The following RNPEPL1 variants were observed in gnomAD, a reference collection of about 807,000 sequenced individuals.
RNPEPL1 encodes the protein aminopeptidase RNPEPL1.
Under a neutral mutation model 69.0 loss-of-function variants are expected in RNPEPL1, and 46 were observed. The ratio of observed to expected loss-of-function variants is 0.67; its 90% CI spans 0.53 to 0.85. RNPEPL1 has a LOEUF of 0.85. Ranked by LOEUF, RNPEPL1 falls within the 40% of genes least tolerant of loss-of-function variation. RNPEPL1 has a pLI of 0.00. For missense variants in RNPEPL1, 869 were observed against 992.5 expected (o/e 0.88, Z 1.67); for synonymous variants, 525 against 454.1 (o/e 1.16, Z -1.98).
In RNPEPL1 at chr2:240,574,110, C is replaced by T; in HGVS notation, c.939-3C>T. 6.2e-7 allele frequency: 1 copy of T among 1,611,722 alleles called. No individual in the cohort carries two copies. ...TGCCACCCTCACCGCCCTCCCGGTG[C>T]AGGTACGACATTGTCTTCCTGCCAC... On this transcript the variant is annotated splice_polypyrimidine_tract_variant and splice_region_variant and intron_variant, in intron 4 of 10. Transcript: ENST00000270357.
chr2:240,574,725 C>T (rs145569445), intron 6 of RNPEPL1, 97 bp downstream of exon 6: 31 of 1,109,814 alleles, frequency 2.8e-5, no homozygotes, highest in Non-Finnish European at 4.0e-5. Context: ...GCTTCTCTGT[C>T]CTGCACTGTG....
intron 6 of RNPEPL1, 27 bp downstream of exon 6, chr2:240,574,655 A>G: frequency 6.4e-7 from 1 of 1,567,314 alleles, no homozygotes; most frequent in Admixed American, 1.7e-5. Flanking sequence ...ACCCGCTCCC[A>G]CAACTGGGGA....
chr2:240,572,439 C>T lies in RNPEPL1; in HGVS notation c.545C>T (p.Pro182Leu), dbSNP rs1235256934. ...TDAPAIWWLD[P>L]ELTYGCAKPF... ...TGCCCACAGATCTGGTGGCTGGACCCAGAGCTGACCTATGGCTGCGCCAAG... is the reference window on the plus strand; with the variant it reads ...TGCCCACAGATCTGGTGGCTGGACCTAGAGCTGACCTATGGCTGCGCCAAG... Residue 182 changes from proline to leucine, a missense_variant, in exon 2 of 11, where the codon CCA (proline) becomes CTA (leucine). Physicochemically the swap from Pro to Leu is moderately conservative, Grantham distance 98. This residue lies in a region of RNPEPL1 where 610 missense variants were observed against 790.9 expected (regional missense o/e 0.77). Transcript: ENST00000270357. 1.3e-6 allele frequency: 2 copies of T among 1,536,190 alleles called. No homozygotes were observed. Among genetic ancestry groups the T allele is most frequent in the Non-Finnish European group, 8.7e-7 (1 of 1,146,826 alleles).
At chr2:240,575,249 G>A in intron 7 of RNPEPL1, 107 bp downstream of exon 7, 4 of 912,140 alleles carry the variant, frequency 4.4e-6, no homozygotes, top group South Asian at 4.2e-5. Context: ...ACTGGCAGGG[G>A]CCTGTGAGCC....
At position 240,578,592 on chromosome 2, in the gene RNPEPL1, G is replaced by T. The variant is rs537735662; in HGVS notation, c.*700G>T. The T allele has an allele frequency of 6.6e-6, 1 of 152,644 alleles. No homozygotes were observed. The highest frequency in any genetic ancestry group is 1.9e-4 in the East Asian group (1 of 5,280). 9.5% of individuals were successfully genotyped at this position (152,644 alleles called of 1,614,324 possible). On this transcript the variant is annotated 3_prime_UTR_variant, in exon 11 of 11. Coordinates refer to ENST00000270357, the MANE Select transcript of RNPEPL1 (RefSeq NM_018226.6). Reference sequence around the variant, plus strand: ...CACAGGGGCAAAGCAATACCCCAGGGAAAGTGGGAGGTGGTGCTGGTGCTC... The same window carrying T: ...CACAGGGGCAAAGCAATACCCCAGGTAAAGTGGGAGGTGGTGCTGGTGCTC...
rs1001534339 is a variant in RNPEPL1, at chr2:240,568,743, G to C, written c.157G>C (p.Glu53Gln). Residue 53 changes from glutamate to glutamine, a missense_variant, in exon 1 of 11, where the codon GAG becomes CAG. By Grantham distance (29) the Glu-to-Gln change is conservative. Around this residue, in one of 2 missense-constraint regions of RNPEPL1, gnomAD observed 259 missense variants for 201.5 expected, o/e 1.29. Coordinates refer to ENST00000270357, the MANE Select transcript of RNPEPL1 (RefSeq NM_018226.6). The surrounding 1 kb of genome is among the most constrained non-coding windows in gnomAD (Gnocchi z 6.2). Reference sequence around the variant, plus strand: ...GCAGCTGGGCCTGGAGCTGCGGCCCGAGGCGCGCGAGTTGGCCGGCTGCCT... The same window carrying C: ...GCAGCTGGGCCTGGAGCTGCGGCCCCAGGCGCGCGAGTTGGCCGGCTGCCT... ...HLQLGLELRP[E>Q]ARELAGCLVL... 2.8e-6 allele frequency: 3 copies of C among 1,061,610 alleles called. No homozygotes were observed. In the African/African-American group the frequency reaches 5.2e-5, roughly 18 times the overall value. The allele number at this position is 1,061,610 out of a possible 1,614,324, so 65.8% of individuals were successfully genotyped here.
chr2:240,572,630 C>T (rs1255687041), intron 2 of RNPEPL1, 67 bp downstream of exon 2: 1 of 1,520,292 alleles, frequency 6.6e-7, no homozygotes, highest in Non-Finnish European at 8.8e-7. Context: ...ACGCCGCCTC[C>T]CCCTTGCTCC....
In RNPEPL1 at chr2:240,576,648, G is replaced by A. The variant is rs1205671001; in HGVS notation, c.1624G>A (p.Ala542Thr). The A allele has an allele frequency of 7.4e-6, 12 of 1,613,018 alleles. No individual in the cohort carries two copies. Among genetic ancestry groups the A allele is most frequent in the Admixed American group, 3.3e-5 (2 of 60,032 alleles). ...GGAGGCCCTTTTCCAGCTGTGGACCGCAGAACCTCTGGACCAGGCAGCTGC... is the reference window on the plus strand; with the variant it reads ...GGAGGCCCTTTTCCAGCTGTGGACCACAGAACCTCTGGACCAGGCAGCTGC... Reference protein sequence around the residue: ...PVEALFQLWTAEPLDQAAASA... With the variant: ...PVEALFQLWTTEPLDQAAASA... Residue 542 changes from alanine to threonine, a missense_variant, in exon 9 of 11, where the codon GCA (alanine) becomes ACA (threonine). Physicochemically the swap from Ala to Thr is moderately conservative, Grantham distance 58. Around this residue, in one of 2 missense-constraint regions of RNPEPL1, gnomAD observed 610 missense variants for 790.9 expected, o/e 0.77. Transcript: ENST00000270357.
Position 240,575,085 on chromosome 2 carries a change from C to G in RNPEPL1, c.1344C>G (p.Phe448Leu). 1 of 1,613,844 alleles carries G rather than the reference C, an allele frequency of 6.2e-7. No individual in the cohort carries two copies. Among genetic ancestry groups the G allele is most frequent in the Non-Finnish European group, 8.5e-7 (1 of 1,180,016 alleles). The change falls in exon 7 of 11, where the codon TTC becomes TTG. Residue 448 changes from phenylalanine (F) to leucine (L), a missense_variant. Physicochemically the swap from Phe to Leu is conservative, Grantham distance 22. This residue lies in a region of RNPEPL1 where 610 missense variants were observed against 790.9 expected (regional missense o/e 0.77). Coordinates refer to ENST00000270357, the MANE Select transcript of RNPEPL1 (RefSeq NM_018226.6). ...NLFTYEKGYC[F>L]VYYLSQLCGD... ...TCACCTACGAGAAGGGCTACTGCTT[C>G]GTGTACTACCTGTCCCAGCTCTGCG...
chr2:240,573,752 C>A (rs558112523), intron 3 of RNPEPL1, 23 bp from the exon 4 acceptor site: 1 of 1,508,778 alleles, frequency 6.6e-7, no homozygotes, highest in Non-Finnish European at 8.9e-7. Flanking sequence ...TCGGCCTCAG[C>A]TCACCCTCTC....
At chr2:240,574,477 A>G (rs1268472202) in intron 5 of RNPEPL1, 38 bp from the exon 6 acceptor site, 1 of 1,569,036 alleles carries the variant, frequency 6.4e-7, no homozygotes, top group Non-Finnish European at 8.7e-7. Flanking sequence ...CGACCCCTAC[A>G]CCCCCTCACC....
intron 4 of RNPEPL1, 22 bp downstream of exon 4, chr2:240,573,913 A>G: frequency 6.4e-7 from 1 of 1,571,992 alleles, no homozygotes; most frequent in Non-Finnish European, 8.6e-7. Context: ...GGACCTGTGG[A>G]CCTGGCTGGC....
Position 240,578,146 on chromosome 2 carries a change from C to T in RNPEPL1, c.*254C>T, listed in dbSNP as rs967275245. 5 of 386,318 alleles carry T rather than the reference C, an allele frequency of 1.3e-5. No homozygotes were observed. Among genetic ancestry groups the T allele is most frequent in the Non-Finnish European group, 2.3e-5 (5 of 216,246 alleles). 23.9% of individuals were successfully genotyped at this position (386,318 alleles called of 1,614,324 possible). ...TGGGGCCAGCCCGCACACACCATGC[C>T]TCCTGTCTCAACACTGACAGCTGTG... On this transcript the variant is annotated 3_prime_UTR_variant, in exon 11 of 11. Transcript: ENST00000270357.
intron 2 of RNPEPL1, 90 bp from the exon 3 acceptor site, chr2:240,573,020 C>T (rs943623610): frequency 3.2e-5 from 45 of 1,404,260 alleles, no homozygotes; most frequent in African/African-American, 1.4e-4. Flanking sequence ...TTTCCTGCTA[C>T]GAATATGGGG....
At chr2:240,575,173 C>T in intron 7 of RNPEPL1, 31 bp downstream of exon 7, 1 of 1,544,958 alleles carries the variant, frequency 6.5e-7, no homozygotes, top group Non-Finnish European at 8.9e-7. Context: ...GACGGCCCTG[C>T]TGCCATCTGC....
chr2:240,573,807 C>A lies in RNPEPL1; in HGVS notation c.854C>A (p.Pro285His). The A allele has an allele frequency of 6.5e-7, 1 of 1,549,244 alleles. No individual in the cohort carries two copies. Among genetic ancestry groups the A allele is most frequent in the Non-Finnish European group, 8.7e-7 (1 of 1,146,330 alleles). Residue 285 changes from proline (P) to histidine (H), a missense_variant, in exon 4 of 11, where the codon CCC (proline) becomes CAC (histidine). Transcript: ENST00000270357. The stretch of plus-strand genomic sequence containing the variant: ...GTGTGGGCCGAGCCATGCCTCCTGC[C>A]CACGGCCACCAGCAAGCTGTCGGGC... ...SRVWAEPCLL[P>H]TATSKLSGAV...
chr2:240,568,778 G>A lies in RNPEPL1; in HGVS notation c.192G>A (p.Glu64=). Residue 64 remains glutamate, a synonymous_variant, in exon 1 of 11, where the codon GAG becomes GAA. Transcript: ENST00000270357. This position sits in a 1 kb window ranked among gnomAD's most constrained non-coding sequence, Gnocchi z 6.2. ...AGTTGGCCGGCTGCCTGGTGCTCGA[G>A]CTGTGCGCGCTGCGGCCCGCGCCCC... ...ARELAGCLVL[E]LCALRPAPRA... 1 of 1,075,484 alleles carries A rather than the reference G, an allele frequency of 9.3e-7. No individual in the cohort carries two copies. The highest frequency in any genetic ancestry group is 3.3e-5 in the South Asian group (1 of 29,874). The allele number at this position is 1,075,484 out of a possible 1,614,324, so 66.6% of individuals were successfully genotyped here.
In RNPEPL1 at chr2:240,572,879, G is replaced by A. The variant is rs549695994; in HGVS notation, c.670-231G>A. 2.7e-3 allele frequency among the ~76,000 whole-genome samples: 409 copies of A among 152,356 alleles called. 2 individuals are homozygous for A. The highest frequency in any genetic ancestry group is 9.4e-3 in the African/African-American group (391 of 41,578). ...CCCAGTGGGGTCTGTGGGTCACCGG[G>A]CCCGAACTTGGCAGCACCCTCTGTG... On this transcript the variant is annotated intron_variant, in intron 2 of 10. Transcript: ENST00000270357.
At chr2:240,569,283 T>G in intron 1 of RNPEPL1, 169 bp downstream of exon 1, 3 of 694,424 alleles carry the variant, frequency 4.3e-6, no homozygotes, top group Non-Finnish European at 6.3e-6. Context: ...GACCCTCGGA[T>G]AGAAGCCGGA....
Sources: gnomAD v4.1 joint callset for allele counts (sites outside exome capture counted in the v4.1 genomes callset) on GRCh38, gnomAD v4.1.1 for gene constraint, gnomAD v4.1.1 regional missense constraint, Gnocchi (gnomAD v3.1) non-coding constraint, MANE v1.5 for transcripts, NCBI Gene and HGNC (gene_info 2026-07-23, HGNC 2026-07-21) for gene names.